MAP3K2: variants seen among roughly 807,000 people sequenced by gnomAD.
The protein encoded by MAP3K2 is mitogen-activated protein kinase kinase kinase 2, also known as MAP/ERK kinase kinase 2.
MAP3K2 carries 24 observed loss-of-function variants against 80.3 expected under a neutral mutation model. The ratio of observed to expected loss-of-function variants is 0.30; its 90% CI spans 0.22 to 0.42. The LOEUF is 0.42. Among genes scored for constraint, MAP3K2 ranks in the 10% least tolerant of loss-of-function variants. MAP3K2 has a pLI of 1.00. For synonymous variants in MAP3K2, 244 were observed against 253.7 expected, an observed-to-expected ratio of 0.96 and a Z score of 0.36; for missense variants, 608 against 750.1, an observed-to-expected ratio of 0.81 and a Z score of 2.21.
At chr2:127,379,953 T>TA (rs1446130302) in intron 1 of MAP3K2, among the ~76,000 whole-genome samples, 1 of 152,182 alleles carries the variant, frequency 6.6e-6, no homozygotes, top group Non-Finnish European at 1.5e-5. Flanking sequence ...ATTAAAATCT[T>TA]AAAAGCAGTA....
chr2:127,307,792 A>G lies in MAP3K2; in HGVS notation c.1647T>C (p.Cys549=). 1 of 1,586,828 alleles carries G rather than the reference A, an allele frequency of 6.3e-7. No individual in the cohort carries two copies. Among genetic ancestry groups the G allele is most frequent in the Non-Finnish European group, 8.6e-7 (1 of 1,164,872 alleles). The change falls in exon 17 of 17, where the codon TGT becomes TGC. Residue 549 remains cysteine (C), a synonymous_variant. Transcript: ENST00000682094. The surrounding 1 kb of genome is among the most constrained non-coding windows in gnomAD (Gnocchi z 5.4). ...GRKADIWSVA[C]TVVEMLTEKP... is the part of the protein sequence containing the mutation. ...TTTCAGTTAGCATTTCTACCACAGT[A>G]CATGCAACACTCCTGAAAAGAAACA...
intron 15 of MAP3K2, among the ~76,000 whole-genome samples, chr2:127,314,407 C>T (rs2104810501): frequency 6.6e-6 from 1 of 152,304 alleles, no homozygotes; most frequent in South Asian, 2.1e-4. Flanking sequence ...CAAGGCCACA[C>T]GGTGTGGATA....
chr2:127,363,474 G>A (rs528372806), intron 1 of MAP3K2, among the ~76,000 whole-genome samples: 1 of 152,162 alleles, frequency 6.6e-6, no homozygotes, highest in East Asian at 1.9e-4. Context: ...TTTTGCTGAT[G>A]GGAGTTTAAC....
intron 14 of MAP3K2, 94 bp downstream of exon 14, chr2:127,317,535 G>T (rs1294885900): frequency 2.7e-6 from 3 of 1,092,182 alleles, no homozygotes; most frequent in Non-Finnish European, 3.8e-6. Flanking sequence ...CTTAACTAGG[G>T]TTAACATTTT....
intron 2 of MAP3K2, among the ~76,000 whole-genome samples, chr2:127,341,514 T>C (rs1573993128): frequency 2.3e-5 from 1 of 44,026 alleles, no homozygotes; most frequent in Admixed American, 1.6e-4. Context: ...GTAAGTACAA[T>C]GGGTTTTTTT....
Position 127,303,785 on chromosome 2 carries a change from C to A in MAP3K2, c.*3794G>T, listed in dbSNP as rs1450102031. 6.6e-6 allele frequency: 1 copy of A among 152,120 alleles called. No individual in the cohort carries two copies. Among genetic ancestry groups the A allele is most frequent in the Non-Finnish European group, 1.5e-5 (1 of 68,000 alleles). The allele number at this position is 152,120 out of a possible 1,614,324, so 9.4% of individuals were successfully genotyped here. A position where few individuals can be genotyped will look rare whatever the true frequency, so the allele number is the denominator to read the frequency against. Reference sequence around the variant, plus strand: ...TGACACCAGGTGATTTTATATCAAGCTATCAGTTCCCAGACTCCAAATAAA... The same window carrying A: ...TGACACCAGGTGATTTTATATCAAGATATCAGTTCCCAGACTCCAAATAAA... On this transcript the variant is annotated 3_prime_UTR_variant, in exon 17 of 17. Coordinates refer to ENST00000682094, the MANE Select transcript of MAP3K2 (RefSeq NM_001371910.2).
chr2:127,380,242 T>C (rs1384816618), intron 1 of MAP3K2, among the ~76,000 whole-genome samples: 1 of 152,206 alleles, frequency 6.6e-6, no homozygotes, highest in Non-Finnish European at 1.5e-5. Context: ...GACACATCAA[T>C]GATTATAGTG....
At chr2:127,383,854 C>T (rs1687295136) in intron 1 of MAP3K2, among the ~76,000 whole-genome samples, 1 of 147,656 alleles carries the variant, frequency 6.8e-6, no homozygotes. Flanking sequence ...GTTCTTCTAG[C>T]ATTTTTTTGG....
chr2:127,350,627 G>A (rs1250984010), intron 1 of MAP3K2, among the ~76,000 whole-genome samples: 1 of 151,836 alleles, frequency 6.6e-6, no homozygotes, highest in Non-Finnish European at 1.5e-5. Flanking sequence ...AAATAATTAA[G>A]TAATAATTCA....
chr2:127,378,078 A>C (rs1320759873), intron 1 of MAP3K2: 6 of 524,774 alleles, frequency 1.1e-5, no homozygotes, highest in South Asian at 8.2e-5. Flanking sequence ...ATGTGGCTAC[A>C]GAGATTAAAC....
At chr2:127,314,986 TCGTC>T in intron 14 of MAP3K2, 103 bp from the exon 15 acceptor site, 1 of 784,874 alleles carries the variant, frequency 1.3e-6, no homozygotes, top group Non-Finnish European at 2.0e-6. Context: ...CTCATCTCAC[TCGTC>T]TAAGCATGTC....
rs1422122948 is a variant in MAP3K2 at position 127,301,545 on chromosome 2, C to T, written c.*6034G>A. 6.6e-6 allele frequency: 1 copy of T among 152,056 alleles called. No individual in the cohort carries two copies. The highest frequency in any genetic ancestry group is 1.5e-5 in the Non-Finnish European group (1 of 68,010). The allele number at this position is 152,056 out of a possible 1,614,324, so 9.4% of individuals were successfully genotyped here. A position where few individuals can be genotyped will look rare whatever the true frequency, so the allele number is the denominator to read the frequency against. Reference sequence around the variant, plus strand: ...GAAGTAACAGTGCTAATTATTTTGGCTATGTGTACAGGGAATATAAAAGCT... The same window carrying T: ...GAAGTAACAGTGCTAATTATTTTGGTTATGTGTACAGGGAATATAAAAGCT... On this transcript the variant is annotated 3_prime_UTR_variant, in exon 17 of 17. Coordinates refer to ENST00000682094, the MANE Select transcript of MAP3K2 (RefSeq NM_001371910.2).
At chr2:127,367,832 CCAGT>C (rs758825715) in intron 1 of MAP3K2, among the ~76,000 whole-genome samples, 1 of 152,028 alleles carries the variant, frequency 6.6e-6, no homozygotes, top group Non-Finnish European at 1.5e-5. Flanking sequence ...TGTAACAAAG[CCAGT>C]CAAACTTTAC....
At chr2:127,319,780 G>A (rs571904091) in intron 12 of MAP3K2, among the ~76,000 whole-genome samples, 36 of 151,188 alleles carry the variant, frequency 2.4e-4, no homozygotes, top group African/African-American at 6.8e-4. Context: ...GGGAGGTTGC[G>A]GTGAGCTGAG....
intron 11 of MAP3K2, among the ~76,000 whole-genome samples, chr2:127,323,477 G>C (rs1242755017): frequency 6.6e-6 from 1 of 152,044 alleles, no homozygotes; most frequent in Non-Finnish European, 1.5e-5. Flanking sequence ...TTGAGCCCAA[G>C]ACTTCAAGAC....
chr2:127,362,124 CAGT>C (rs1209079988), intron 1 of MAP3K2, among the ~76,000 whole-genome samples: 2 of 152,206 alleles, frequency 1.3e-5, no homozygotes, highest in African/African-American at 4.8e-5. Flanking sequence ...CTTTCTCTCT[CAGT>C]GGGTCATGTT....
intron 12 of MAP3K2, among the ~76,000 whole-genome samples, chr2:127,320,408 G>A (rs72845973): frequency 0.032 from 4,877 of 152,124 alleles, 121 homozygotes; most frequent in Middle Eastern, 0.061. Context: ...CAGTGAACCT[G>A]AAAATAGATC....
intron 2 of MAP3K2, among the ~76,000 whole-genome samples, chr2:127,341,530 G>GTT (rs1341901292): frequency 0.05 from 4,541 of 91,156 alleles, 297 homozygotes; most frequent in African/African-American, 0.063. Context: ...TTTTTTTGTT[G>GTT]TTTTTTTTTT....
In MAP3K2 at chr2:127,335,059, T is replaced by G. The variant is rs563327832; in HGVS notation, c.264+811A>C. 2.0e-5 allele frequency among the ~76,000 whole-genome samples: 3 copies of G among 152,286 alleles called. No homozygotes were observed. The East Asian group carries it at 5.8e-4, about 29-fold the overall frequency. On this transcript the variant is annotated intron_variant, in intron 5 of 16. Transcript: ENST00000682094. The stretch of plus-strand genomic sequence containing the variant: ...CTGGGATTACAAGCGTGAGCAACCA[T>G]GTCTGGCCTACTTTATGCATTTCTT...
Sources: gnomAD v4.1 joint callset for allele counts (sites outside exome capture counted in the v4.1 genomes callset) on GRCh38, gnomAD v4.1.1 for gene constraint, Gnocchi (gnomAD v3.1) non-coding constraint, MANE v1.5 for transcripts, NCBI Gene and HGNC (gene_info 2026-07-23, HGNC 2026-07-21) for gene names.